The following ACO2 variants were observed in gnomAD, a reference collection of about 807,000 sequenced individuals.
ACO2 encodes aconitate hydratase, mitochondrial.
ACO2 carries 31 observed loss-of-function variants against 84.5 expected under a neutral mutation model. The ratio of observed to expected loss-of-function variants is 0.37; its 90% CI spans 0.28 to 0.50. The LOEUF is 0.50. Ranked by LOEUF, ACO2 falls within the 20% of genes least tolerant of loss-of-function variation. The probability of loss-of-function intolerance (pLI) is 0.97; values close to 1 mark genes in which losing one functional copy is unlikely to be tolerated. For missense variants in ACO2, 685 were observed against 1,029.3 expected (o/e 0.67, Z 4.58); for synonymous variants, 414 against 412.7 (o/e 1.00, Z -0.04).
chr22:41,515,598 GGA>G lies in ACO2; in HGVS notation c.684+66_684+67del. The G allele has an allele frequency of 1.3e-6, 2 of 1,576,016 alleles. No individual in the cohort carries two copies. Among genetic ancestry groups the G allele is most frequent in the Non-Finnish European group, 1.7e-6 (2 of 1,159,546 alleles). On this transcript the variant is annotated intron_variant, in intron 5 of 17. Coordinates refer to ENST00000216254, the MANE Select transcript of ACO2 (RefSeq NM_001098.3). The surrounding 1 kb of genome is among the most constrained non-coding windows in gnomAD (Gnocchi z 5.8). ...GGGTGGTGGTTGGTGGGGATGAACGGGAGACGGTGGGACCCAGGAGGGAAAAG... is the reference window on the plus strand; with the variant it reads ...GGGTGGTGGTTGGTGGGGATGAACGGGACGGTGGGACCCAGGAGGGAAAAG...
chr22:41,515,612 C>T lies in ACO2; in HGVS notation c.684+77C>T. The stretch of plus-strand genomic sequence containing the variant: ...GGGGATGAACGGGAGACGGTGGGAC[C>T]CAGGAGGGAAAAGGGAACAAGTTAG... On this transcript the variant is annotated intron_variant, in intron 5 of 17. Transcript: ENST00000216254. This position sits in a 1 kb window ranked among gnomAD's most constrained non-coding sequence, Gnocchi z 5.8. The T allele has an allele frequency of 6.4e-7, 1 of 1,573,728 alleles. No individual in the cohort carries two copies. The highest frequency in any genetic ancestry group is 8.6e-7 in the Non-Finnish European group (1 of 1,157,856).
At chr22:41,484,125 T>A (rs2038122207) in intron 1 of ACO2, among the ~76,000 whole-genome samples, 1 of 152,218 alleles carries the variant, frequency 6.6e-6, no homozygotes, top group South Asian at 2.1e-4. Context: ...TCCTTTATAA[T>A]GATAGTTTTT....
At chr22:41,510,087 C>T (rs1166140025) in intron 3 of ACO2, among the ~76,000 whole-genome samples, 5 of 152,166 alleles carry the variant, frequency 3.3e-5, no homozygotes, top group East Asian at 3.9e-4. Context: ...CCACCCACCT[C>T]GGCCTCCCAA....
intron 3 of ACO2, among the ~76,000 whole-genome samples, chr22:41,510,879 A>G (rs578046411): frequency 2.6e-5 from 4 of 152,306 alleles, no homozygotes; most frequent in African/African-American, 9.6e-5. Context: ...ACAGCCTTCC[A>G]TTTGGGCCCA....
chr22:41,514,870 T>C (rs568099421), intron 4 of ACO2, among the ~76,000 whole-genome samples: 1 of 152,180 alleles, frequency 6.6e-6, no homozygotes, highest in East Asian at 1.9e-4. Context: ...TTCTTTGCAG[T>C]TGAGGAAAAG....
intron 9 of ACO2, among the ~76,000 whole-genome samples, chr22:41,520,686 C>G (rs914236078): frequency 6.6e-6 from 1 of 151,732 alleles, no homozygotes; most frequent in Admixed American, 6.6e-5. Context: ...ACTAAAAATA[C>G]AAAAAATTAG....
chr22:41,503,811 C>T (rs1235043016), intron 2 of ACO2, among the ~76,000 whole-genome samples: 1 of 152,160 alleles, frequency 6.6e-6, no homozygotes, highest in African/African-American at 2.4e-5. Flanking sequence ...CTACAGCGCA[C>T]AGGGCAGCCC....
chr22:41,523,001 T>C lies in ACO2; in HGVS notation c.1296+14T>C. ...CGGGACGGCTATGTGAGTGCCCATA[T>C]CCCCCTGCCCATCTCCCCCACCCCA... On this transcript the variant is annotated intron_variant, in intron 10 of 17. Transcript: ENST00000216254. 6.2e-7 allele frequency: 1 copy of C among 1,613,374 alleles called. No homozygotes were observed. Among genetic ancestry groups the C allele is most frequent in the Non-Finnish European group, 8.5e-7 (1 of 1,179,638 alleles).
At chr22:41,496,796 C>T (rs578055994) in intron 1 of ACO2, among the ~76,000 whole-genome samples, 2 of 152,158 alleles carry the variant, frequency 1.3e-5, no homozygotes, top group South Asian at 4.2e-4. Context: ...GGATGTTGCC[C>T]CTGCCATAGG....
In ACO2 at chr22:41,528,466, C is replaced by A; in HGVS notation, c.2209-13C>A. On this transcript the variant is annotated splice_polypyrimidine_tract_variant and intron_variant, in intron 17 of 17. Coordinates refer to ENST00000216254, the MANE Select transcript of ACO2 (RefSeq NM_001098.3). ...ACCCACCACTTCCACCCACACCCAC[C>A]TTCTCCTTGCAGCCCCTGAAGTGCA... 6.2e-7 allele frequency: 1 copy of A among 1,611,486 alleles called. No individual in the cohort carries two copies. The highest frequency in any genetic ancestry group is 8.5e-7 in the Non-Finnish European group (1 of 1,179,696).
chr22:41,486,494 G>A (rs1185835985), intron 1 of ACO2, among the ~76,000 whole-genome samples: 2 of 138,732 alleles, frequency 1.4e-5, no homozygotes, highest in Non-Finnish European at 3.0e-5. Flanking sequence ...TTTTTGAGAC[G>A]GAGTCTTACT....
intron 1 of ACO2, among the ~76,000 whole-genome samples, chr22:41,495,026 G>A (rs762181182): frequency 6.6e-6 from 1 of 151,098 alleles, no homozygotes; most frequent in East Asian, 2.0e-4. Context: ...GAGTCTCCAC[G>A]CCCAGCCTGT....
At chr22:41,513,130 C>A (rs1003538001) in intron 4 of ACO2, among the ~76,000 whole-genome samples, 3 of 152,214 alleles carry the variant, frequency 2.0e-5, no homozygotes, top group Non-Finnish European at 4.4e-5. Flanking sequence ...GACTAGAAAG[C>A]CCCTCTCTGC....
chr22:41,508,954 C>T (rs1453795117), intron 3 of ACO2, among the ~76,000 whole-genome samples: 1 of 152,214 alleles, frequency 6.6e-6, no homozygotes, highest in Non-Finnish European at 1.5e-5. Context: ...ATGGGAAACA[C>T]TCGGGGCGGC....
chr22:41,509,858 C>T (rs2146118104), intron 3 of ACO2, among the ~76,000 whole-genome samples: 1 of 147,822 alleles, frequency 6.8e-6, no homozygotes, highest in South Asian at 2.2e-4. Context: ...TGCTCTATCC[C>T]CCAGGCTGGA....
intron 4 of ACO2, among the ~76,000 whole-genome samples, chr22:41,514,655 G>C (rs1028450562): frequency 2.0e-5 from 3 of 152,192 alleles, no homozygotes; most frequent in African/African-American, 7.2e-5. Context: ...CACCCAAGGT[G>C]TTGAGCACTT....
At chr22:41,521,053 A>G (rs2066521609) in intron 9 of ACO2, among the ~76,000 whole-genome samples, 1 of 151,144 alleles carries the variant, frequency 6.6e-6, no homozygotes, top group Non-Finnish European at 1.5e-5. Context: ...AAAAAAAAAA[A>G]AAAAAAGAAA....
intron 1 of ACO2, among the ~76,000 whole-genome samples, chr22:41,487,197 T>G (rs2038168267): frequency 1.3e-5 from 2 of 152,190 alleles, no homozygotes; most frequent in Non-Finnish European, 2.9e-5. Context: ...TTTCTTTTCT[T>G]TCAGTTGCAA....
At chr22:41,483,227 C>T (rs752280390) in intron 1 of ACO2, among the ~76,000 whole-genome samples, 2 of 152,138 alleles carry the variant, frequency 1.3e-5, no homozygotes, top group Non-Finnish European at 2.9e-5. Context: ...TTCCCGTTTC[C>T]CAGTTTTGGG....
Sources: allele counts gnomAD v4.1 joint callset (sites outside exome capture counted in the v4.1 genomes callset), GRCh38; gene constraint gnomAD v4.1.1; non-coding constraint Gnocchi (gnomAD v3.1); transcripts MANE v1.5; gene names NCBI Gene and HGNC (gene_info 2026-07-23, HGNC 2026-07-21).